The following EPHX2 variants were observed in gnomAD, a reference collection of about 807,000 sequenced individuals.
EPHX2 encodes the protein epoxide hydrolase 2.
A neutral mutation model predicts 78.7 loss-of-function variants in EPHX2; 74 were observed. The ratio of observed to expected loss-of-function variants is 0.94; its 90% CI spans 0.78 to 1.14. The LOEUF is 1.14. Among genes scored for constraint, EPHX2 ranks in the 50% most tolerant of loss-of-function variants. EPHX2 has a pLI of 0.00. For missense variants in EPHX2, 715 were observed against 702.5 expected (o/e 1.02, Z -0.20); for synonymous variants, 251 against 255.2 (o/e 0.98, Z 0.16).
chr8:27,515,194 G>GT (rs1195042431), intron 6 of EPHX2, among the ~76,000 whole-genome samples: 44 of 151,904 alleles, frequency 2.9e-4, no homozygotes, highest in Admixed American at 1.3e-3. Context: ...CCTGTTCCCC[G>GT]TTTTTTTCCT....
intron 5 of EPHX2, among the ~76,000 whole-genome samples, chr8:27,508,946 CTTTTT>C (rs34748947): frequency 1.6e-5 from 1 of 64,406 alleles, no homozygotes; most frequent in African/African-American, 7.7e-5. Flanking sequence ...CCCCATCCTG[CTTTTT>C]TTTTTTTTTT....
intron 1 of EPHX2, among the ~76,000 whole-genome samples, chr8:27,494,796 T>C (rs1038426725): frequency 6.6e-6 from 1 of 152,098 alleles, no homozygotes; most frequent in Non-Finnish European, 1.5e-5. Flanking sequence ...TGGTGGAGGG[T>C]CTTAAGTATT....
rs1814813773 is a variant in EPHX2 at position 27,525,532 on chromosome 8, T to C, written c.1170+59T>C. 3.6e-6 allele frequency: 5 copies of C among 1,388,906 alleles called. No homozygotes were observed. In the Admixed American group the frequency reaches 8.4e-5, roughly 23 times the overall value. The allele number at this position is 1,388,906 out of a possible 1,614,324, so 86.0% of individuals were successfully genotyped here. ...TTAGTGTTTGCCTTTCCCCTTCCTG[T>C]CTCCTTCTTATTTGCTTTATCACTG... On this transcript the variant is annotated intron_variant, in intron 12 of 18. Transcript: ENST00000521400.
intron 9 of EPHX2, among the ~76,000 whole-genome samples, chr8:27,518,682 G>A (rs563362025): frequency 1.3e-5 from 2 of 152,364 alleles, no homozygotes; most frequent in African/African-American, 4.8e-5. Context: ...GTGACACTAC[G>A]ATTACAAAAG....
At chr8:27,530,484 GCA>G (rs1286146370) in intron 12 of EPHX2, among the ~76,000 whole-genome samples, 4 of 151,962 alleles carry the variant, frequency 2.6e-5, no homozygotes, top group Non-Finnish European at 5.9e-5. Context: ...GTGTGTATGA[GCA>G]CACACACATA....
intron 12 of EPHX2, among the ~76,000 whole-genome samples, chr8:27,535,693 T>G (rs1462411553): frequency 6.6e-6 from 1 of 152,116 alleles, no homozygotes; most frequent in Non-Finnish European, 1.5e-5. Flanking sequence ...TCTTGTCACC[T>G]TCCAGCCATT....
chr8:27,497,911 C>G (rs540645353), intron 1 of EPHX2, among the ~76,000 whole-genome samples: 9 of 152,088 alleles, frequency 5.9e-5, no homozygotes, highest in Non-Finnish European at 1.2e-4. Flanking sequence ...GCTTGTTGAC[C>G]GGTAGGGATT....
intron 13 of EPHX2, among the ~76,000 whole-genome samples, chr8:27,537,505 A>C (rs1815251033): frequency 6.6e-6 from 1 of 152,216 alleles, no homozygotes; most frequent in South Asian, 2.1e-4. Flanking sequence ...CTTGTGAGTC[A>C]GCCTCGGGTC....
intron 5 of EPHX2, among the ~76,000 whole-genome samples, chr8:27,507,758 TG>T (rs954031182): frequency 6.6e-6 from 1 of 152,224 alleles, no homozygotes; most frequent in African/African-American, 2.4e-5. Context: ...CTCACTGTTC[TG>T]GAGGCTGGAA....
rs545630528 is a variant in EPHX2 at position 27,525,597 on chromosome 8, T to C, written c.1170+124T>C. On this transcript the variant is annotated intron_variant, in intron 12 of 18. Transcript: ENST00000521400. The stretch of plus-strand genomic sequence containing the variant: ...ATGTGGCATTAGTCAGAAATGATTT[T>C]ACAAATGGGCTCAGGTGAAACTGGC... 3 of 882,072 alleles carry C rather than the reference T, an allele frequency of 3.4e-6. No individual in the cohort carries two copies. In the South Asian group the frequency reaches 4.6e-5, roughly 13 times the overall value. 54.6% of individuals were successfully genotyped at this position (882,072 alleles called of 1,614,324 possible).
intron 5 of EPHX2, among the ~76,000 whole-genome samples, chr8:27,510,738 G>A (rs771802170): frequency 5.3e-5 from 8 of 152,090 alleles, no homozygotes; most frequent in Non-Finnish European, 7.4e-5. Context: ...AGGATCACTT[G>A]AGGCCAGGAG....
chr8:27,520,947 C>T (rs999250695), intron 10 of EPHX2, 38 bp downstream of exon 10: 8 of 1,612,630 alleles, frequency 5.0e-6, no homozygotes, highest in South Asian at 1.1e-5. Context: ...TTGGAGAATT[C>T]CTTTGGGGCC....
chr8:27,526,001 T>G (rs1006746709), intron 12 of EPHX2, among the ~76,000 whole-genome samples: 3 of 152,190 alleles, frequency 2.0e-5, no homozygotes, highest in Non-Finnish European at 4.4e-5. Flanking sequence ...GGAGTCAACG[T>G]CACCTGGCCT....
chr8:27,543,620 C>A, intron 16 of EPHX2, 129 bp from the exon 17 acceptor site: 1 of 830,214 alleles, frequency 1.2e-6, no homozygotes, highest in Non-Finnish European at 2.0e-6. Context: ...AACCACGAGT[C>A]TGTTGTGCAA....
chr8:27,491,285 C>T lies in EPHX2; in HGVS notation c.77C>T (p.Thr26Met), dbSNP rs763888849. Residue 26 changes from threonine to methionine, a missense_variant, in exon 1 of 19, where the codon ACG becomes ATG. Coordinates refer to ENST00000521400, the MANE Select transcript of EPHX2 (RefSeq NM_001979.6). Reference sequence around the variant, plus strand: ...GCGGTGTTCGGCGTCCTCGGCCGCACGGAGGAGGCCCTGGCGCTGCCCAGG... The same window carrying T: ...GCGGTGTTCGGCGTCCTCGGCCGCATGGAGGAGGCCCTGGCGCTGCCCAGG... ...LPAVFGVLGR[T>M]EEALALPRGL... 15 of 1,569,880 alleles carry T rather than the reference C, an allele frequency of 9.6e-6. No homozygotes were observed. Among genetic ancestry groups the T allele is most frequent in the Non-Finnish European group, 1.2e-5 (14 of 1,168,010 alleles).
At chr8:27,538,140 C>T (rs573119097) in intron 13 of EPHX2, among the ~76,000 whole-genome samples, 1 of 152,284 alleles carries the variant, frequency 6.6e-6, no homozygotes, top group East Asian at 1.9e-4. Flanking sequence ...TATGAATTCC[C>T]AAGGGGGTGT....
chr8:27,539,943 T>A (rs1030448640), intron 14 of EPHX2, among the ~76,000 whole-genome samples: 1 of 152,108 alleles, frequency 6.6e-6, no homozygotes, highest in Admixed American at 6.5e-5. Context: ...GGCTGTGCCC[T>A]GTGAAATTGC....
At chr8:27,507,086 T>C in intron 5 of EPHX2, 92 bp downstream of exon 5, 1 of 1,516,456 alleles carries the variant, frequency 6.6e-7, no homozygotes, top group Non-Finnish European at 8.9e-7. Context: ...CTGCTGTCCG[T>C]GGAGTCCATG....
At chr8:27,528,982 G>C (rs1239718604) in intron 12 of EPHX2, among the ~76,000 whole-genome samples, 2 of 152,098 alleles carry the variant, frequency 1.3e-5, no homozygotes, top group Non-Finnish European at 2.9e-5. Context: ...TTTTAATAGA[G>C]ACAGGGTTTC....
Sources: gnomAD v4.1 joint callset for allele counts (sites outside exome capture counted in the v4.1 genomes callset) on GRCh38, gnomAD v4.1.1 for gene constraint, MANE v1.5 for transcripts, NCBI Gene and HGNC (gene_info 2026-07-23, HGNC 2026-07-21) for gene names.